Variants in PDSS2 observed in about 807,000 individuals in gnomAD.
PDSS2 encodes the protein decaprenyl diphosphate synthase subunit 2.
In PDSS2, 31 loss-of-function variants were observed where a neutral mutation model predicts 44.5. The observed-to-expected ratio is 0.70, with a 90% CI of 0.52 to 0.94. The LOEUF is 0.94. Ranked by LOEUF, PDSS2 falls within the 40% of genes least tolerant of loss-of-function variation. The probability of loss-of-function intolerance (pLI) is 0.00; values close to 1 mark genes in which losing one functional copy is unlikely to be tolerated. For synonymous variants in PDSS2, 157 were observed against 180.3 expected (o/e 0.87, Z 1.03); for missense variants, 452 against 482.2 (o/e 0.94, Z 0.59).
At chr6:107,362,167 C>T (rs1482398869) in intron 1 of PDSS2, among the ~76,000 whole-genome samples, 1 of 152,130 alleles carries the variant, frequency 6.6e-6, no homozygotes, top group Non-Finnish European at 1.5e-5. Context: ...TTACGGTTGA[C>T]CAGGCTGTGT....
chr6:107,225,151 ATATATATATATTTTTTTTTTTTT>A (rs1773758189), intron 4 of PDSS2, among the ~76,000 whole-genome samples: 1 of 51,446 alleles, frequency 1.9e-5, no homozygotes, highest in African/African-American at 1.5e-4. Flanking sequence ...ATATATATAT[ATATATATATATTTTTTTTTTTTT>A]TTTTTTTTTT....
chr6:107,400,709 G>A (rs1341956063), intron 1 of PDSS2, among the ~76,000 whole-genome samples: 1 of 152,170 alleles, frequency 6.6e-6, no homozygotes, highest in East Asian at 1.9e-4. Flanking sequence ...GGCAGTGGTT[G>A]TCCTACTGCT....
intron 2 of PDSS2, among the ~76,000 whole-genome samples, chr6:107,303,699 A>AT (rs1562448565): frequency 6.6e-6 from 1 of 152,164 alleles, no homozygotes; most frequent in Non-Finnish European, 1.5e-5. Context: ...GATGTACCAC[A>AT]ATATTCTCCA....
chr6:107,371,349 G>A (rs1779124232), intron 1 of PDSS2, among the ~76,000 whole-genome samples: 1 of 152,136 alleles, frequency 6.6e-6, no homozygotes, highest in Admixed American at 6.5e-5. Flanking sequence ...CGAAATTCAG[G>A]TGTATGGGAA....
intron 1 of PDSS2, among the ~76,000 whole-genome samples, chr6:107,370,108 C>A (rs569442911): frequency 6.6e-6 from 1 of 151,962 alleles, no homozygotes; most frequent in East Asian, 1.9e-4. Context: ...GTTGTGGAAC[C>A]CCAAAAGAGA....
At chr6:107,408,874 C>CG (rs1175833263) in intron 1 of PDSS2, among the ~76,000 whole-genome samples, 5 of 152,094 alleles carry the variant, frequency 3.3e-5, no homozygotes, top group Non-Finnish European at 7.4e-5. Context: ...CTCCAAGCTA[C>CG]GAAGGAAAAT....
At chr6:107,225,044 G>T (rs145327566) in intron 4 of PDSS2, among the ~76,000 whole-genome samples, 1 of 147,098 alleles carries the variant, frequency 6.8e-6, no homozygotes. Context: ...GGCCACTCAC[G>T]TGCCATGGCA....
chr6:107,312,345 C>G (rs1777069922), intron 2 of PDSS2, among the ~76,000 whole-genome samples: 1 of 152,132 alleles, frequency 6.6e-6, no homozygotes, highest in Admixed American at 6.5e-5. Flanking sequence ...TCTCTAGAAC[C>G]CTACCAGAAC....
chr6:107,222,094 C>T (rs1437956948), intron 4 of PDSS2, among the ~76,000 whole-genome samples: 1 of 152,078 alleles, frequency 6.6e-6, no homozygotes, highest in East Asian at 1.9e-4. Context: ...CTCTAATGAC[C>T]CATTTCACCA....
At chr6:107,157,672 G>A (rs115932660) in intron 7 of PDSS2, among the ~76,000 whole-genome samples, 4,722 of 150,658 alleles carry the variant, frequency 0.031, 262 homozygotes, top group African/African-American at 0.11. Flanking sequence ...TTGTTTTAGC[G>A]TTTTTGTTTT....
intron 7 of PDSS2, among the ~76,000 whole-genome samples, chr6:107,175,817 G>T (rs1771765923): frequency 1.3e-5 from 2 of 151,976 alleles, no homozygotes; most frequent in Non-Finnish European, 2.9e-5. Flanking sequence ...ATACTTTTTT[G>T]TTGTTGTTGT....
At chr6:107,361,482 T>C (rs979681475) in intron 1 of PDSS2, among the ~76,000 whole-genome samples, 12 of 152,164 alleles carry the variant, frequency 7.9e-5, no homozygotes, top group Non-Finnish European at 1.6e-4. Flanking sequence ...CAAGGAAAAC[T>C]TCAGGGTTGA....
At chr6:107,394,487 A>G (rs541422137) in intron 1 of PDSS2, among the ~76,000 whole-genome samples, 2 of 152,196 alleles carry the variant, frequency 1.3e-5, no homozygotes, top group Non-Finnish European at 2.9e-5. Flanking sequence ...CTCTCATAAG[A>G]ACTCACTACC....
intron 7 of PDSS2, among the ~76,000 whole-genome samples, chr6:107,171,495 C>A (rs1179702432): frequency 2.0e-5 from 3 of 151,860 alleles, no homozygotes; most frequent in Non-Finnish European, 2.9e-5. Flanking sequence ...AGATAAAAGA[C>A]CACAATTTTT....
At chr6:107,376,883 T>C (rs1313816081) in intron 1 of PDSS2, among the ~76,000 whole-genome samples, 5 of 152,156 alleles carry the variant, frequency 3.3e-5, no homozygotes, top group African/African-American at 1.2e-4. Flanking sequence ...ATACAAAAAT[T>C]AATTCAAGAT....
At chr6:107,433,946 G>T (rs929809908) in intron 1 of PDSS2, among the ~76,000 whole-genome samples, 9 of 152,066 alleles carry the variant, frequency 5.9e-5, no homozygotes, top group Admixed American at 2.0e-4. Context: ...CGAATAATTT[G>T]ATCTTAAAGT....
chr6:107,359,289 G>T, intron 1 of PDSS2, among the ~76,000 whole-genome samples: 1 of 151,706 alleles, frequency 6.6e-6, no homozygotes, highest in African/African-American at 2.4e-5. Flanking sequence ...TGGGATTACG[G>T]GCATGAGCCG....
At chr6:107,202,190 C>T (rs916417375) in intron 6 of PDSS2, among the ~76,000 whole-genome samples, 4 of 152,038 alleles carry the variant, frequency 2.6e-5, no homozygotes, top group African/African-American at 9.7e-5. Flanking sequence ...AGGTACACAC[C>T]ACCACACCTG....
At chr6:107,378,307 G>GA (rs914276928) in intron 1 of PDSS2, among the ~76,000 whole-genome samples, 10 of 150,086 alleles carry the variant, frequency 6.7e-5, no homozygotes, top group Admixed American at 2.7e-4. Flanking sequence ...GGCTGAAAAT[G>GA]AAAAAATGAA....
Sources: gnomAD v4.1 joint callset for allele counts (sites outside exome capture counted in the v4.1 genomes callset) on GRCh38, gnomAD v4.1.1 for gene constraint, MANE v1.5 for transcripts, NCBI Gene and HGNC (gene_info 2026-07-23, HGNC 2026-07-21) for gene names.